The following SRRM4 variants were observed in gnomAD, a reference collection of about 807,000 sequenced individuals.
SRRM4 encodes serine/arginine repetitive matrix protein 4.
In SRRM4, 33 loss-of-function variants were observed where a neutral mutation model predicts 68.9. The observed-to-expected ratio is 0.48, with a 90% CI of 0.36 to 0.64. SRRM4 has a LOEUF of 0.64. Among genes scored for constraint, SRRM4 ranks in the 30% least tolerant of loss-of-function variants. The pLI is 0.00. For missense variants in SRRM4, 817 were observed against 827.1 expected, an observed-to-expected ratio of 0.99 and a Z score of 0.15; for synonymous variants, 318 against 318.8, an observed-to-expected ratio of 1.00 and a Z score of 0.03.
chr12:119,083,902 A>G (rs995656360), intron 1 of SRRM4, among the ~76,000 whole-genome samples: 2 of 152,172 alleles, frequency 1.3e-5, no homozygotes, highest in Non-Finnish European at 2.9e-5. Flanking sequence ...ACACAGGGAG[A>G]AGGCATTTGA....
intron 7 of SRRM4, among the ~76,000 whole-genome samples, chr12:119,126,014 CTTTTTTTTTTTTTTT>C (rs34680171): frequency 1.4e-5 from 1 of 71,134 alleles, no homozygotes; most frequent in East Asian, 5.4e-4. Context: ...ATACTAGCTG[CTTTTTTTTTTTTTTT>C]TTTTTTTTTT....
At chr12:119,075,814 AACGGTGATGATGGTG>A (rs1953908765) in intron 1 of SRRM4, among the ~76,000 whole-genome samples, 4 of 79,046 alleles carry the variant, frequency 5.1e-5, no homozygotes, top group Non-Finnish European at 5.2e-5. Context: ...TGGTGATGAT[AACGGTGATGATGGTG>A]ATGGTGATGA....
chr12:119,070,804 A>G (rs1349048173), intron 1 of SRRM4, among the ~76,000 whole-genome samples: 2 of 152,194 alleles, frequency 1.3e-5, no homozygotes, highest in African/African-American at 4.8e-5. Flanking sequence ...TGACTGGGCC[A>G]TGCTTCCCTG....
chr12:119,092,809 C>T (rs1018270783), intron 1 of SRRM4, among the ~76,000 whole-genome samples: 1 of 152,062 alleles, frequency 6.6e-6, no homozygotes, highest in Non-Finnish European at 1.5e-5. Flanking sequence ...CCTCCAATGG[C>T]ATCTCATCTC....
chr12:119,037,396 G>C (rs1340173659), intron 1 of SRRM4, among the ~76,000 whole-genome samples: 2 of 152,162 alleles, frequency 1.3e-5, no homozygotes, highest in African/African-American at 4.8e-5. Context: ...TGGGAGGCAG[G>C]GGGAGAGACA....
rs1394950897 is a variant in SRRM4 at position 119,120,259 on chromosome 12, C to G, written c.447C>G (p.Ser149=). 1 of 1,548,432 alleles carries G rather than the reference C, an allele frequency of 6.5e-7. No homozygotes were observed. Among genetic ancestry groups the G allele is most frequent in the African/African-American group, 1.4e-5 (1 of 72,588 alleles). ...SKKHKRRRSF[S]KKRRHSSSSP... is the part of the protein sequence containing the mutation. ...CTTTCTTTCTTTTCAGGTCATTCTC[C>G]AAGAAGAGAAGGCACAGGTAAGACT... The change falls in exon 5 of 13, where the codon TCC becomes TCG. Residue 149 remains serine (S), a synonymous_variant. Transcript: ENST00000267260.
At chr12:118,988,646 T>A (rs1199539244) in intron 1 of SRRM4, among the ~76,000 whole-genome samples, 1 of 152,080 alleles carries the variant, frequency 6.6e-6, no homozygotes, top group Non-Finnish European at 1.5e-5. Context: ...TAAAAAAAAA[T>A]TAGGTTGTAC....
intron 1 of SRRM4, among the ~76,000 whole-genome samples, chr12:119,050,537 G>A (rs1343394969): frequency 6.6e-6 from 1 of 152,210 alleles, no homozygotes; most frequent in Non-Finnish European, 1.5e-5. Flanking sequence ...GGTGCATATG[G>A]TGGAACTTGC....
In SRRM4 at chr12:118,981,684, C is replaced by T; in HGVS notation, c.-199C>T. 1 of 599,114 alleles carries T rather than the reference C, an allele frequency of 1.7e-6. No individual in the cohort carries two copies. Among genetic ancestry groups the T allele is most frequent in the South Asian group, 2.2e-5 (1 of 45,028 alleles). The allele number at this position is 599,114 out of a possible 1,614,324, so 37.1% of individuals were successfully genotyped here. A position where few individuals can be genotyped will look rare whatever the true frequency, so the allele number is the denominator to read the frequency against. ...CCGACCCAGAAGGGCGAAGAAAGCCCAGCGGACGAGCCTCCTTTCTCTGCT... is the reference window on the plus strand; with the variant it reads ...CCGACCCAGAAGGGCGAAGAAAGCCTAGCGGACGAGCCTCCTTTCTCTGCT... On this transcript the variant is annotated 5_prime_UTR_variant, in exon 1 of 13. Transcript: ENST00000267260.
intron 1 of SRRM4, among the ~76,000 whole-genome samples, chr12:119,004,921 C>T (rs1033197144): frequency 6.6e-6 from 1 of 150,620 alleles, no homozygotes. Context: ...CAAGGCTCCC[C>T]GCTCCACTAT....
At chr12:119,097,946 C>T (rs1290240459) in intron 1 of SRRM4, among the ~76,000 whole-genome samples, 1 of 152,224 alleles carries the variant, frequency 6.6e-6, no homozygotes, top group Admixed American at 6.5e-5. Flanking sequence ...CATGGGATTG[C>T]TTGTGGTATC....
chr12:119,092,683 G>A (rs11064657), intron 1 of SRRM4, among the ~76,000 whole-genome samples: 32,104 of 152,014 alleles, frequency 0.21, 4,102 homozygotes, highest in South Asian at 0.28. Context: ...ATGGATTATT[G>A]TAGTCATTTC....
At chr12:119,067,790 C>T (rs1384530938) in intron 1 of SRRM4, among the ~76,000 whole-genome samples, 2 of 152,198 alleles carry the variant, frequency 1.3e-5, no homozygotes, top group Non-Finnish European at 2.9e-5. Flanking sequence ...TCCACCTACA[C>T]ATTATGTGGC....
At chr12:118,986,490 A>G (rs745668160) in intron 1 of SRRM4, among the ~76,000 whole-genome samples, 8 of 152,198 alleles carry the variant, frequency 5.3e-5, no homozygotes, top group Non-Finnish European at 1.0e-4. Flanking sequence ...TGTTGGATGC[A>G]TTAATTAGAT....
chr12:119,145,523 G>C lies in SRRM4; in HGVS notation c.914G>C (p.Arg305Pro), dbSNP rs774599577. The C allele has an allele frequency of 9.3e-6, 15 of 1,608,242 alleles. No individual in the cohort carries two copies. The Admixed American group carries it at 2.0e-4, about 22-fold the overall frequency. ...ACGCAAACCAGCTCAGCCAGGTCTC[G>C]GGGCCAGGAGAAGGGGAGCCCCAGT... ...PSTQTSSARS[R>P]GQEKGSPSGG... Residue 305 changes from arginine (R) to proline (P), a missense_variant, in exon 9 of 13, where the codon CGG becomes CCG. By Grantham distance (103) the Arg-to-Pro change is moderately radical (BLOSUM62 -2). Transcript: ENST00000267260.
intron 1 of SRRM4, among the ~76,000 whole-genome samples, chr12:119,025,721 G>A (rs1170589882): frequency 6.6e-6 from 1 of 152,062 alleles, no homozygotes; most frequent in Non-Finnish European, 1.5e-5. Flanking sequence ...TGGGATCACA[G>A]GCATGAGCCA....
intron 1 of SRRM4, among the ~76,000 whole-genome samples, chr12:119,078,449 G>A (rs1378555815): frequency 6.6e-6 from 1 of 152,206 alleles, no homozygotes; most frequent in Non-Finnish European, 1.5e-5. Flanking sequence ...CCTAGTCACT[G>A]CTGCACATAT....
At chr12:119,120,873 C>T (rs1039765147) in intron 5 of SRRM4, among the ~76,000 whole-genome samples, 2 of 152,146 alleles carry the variant, frequency 1.3e-5, no homozygotes, top group African/African-American at 4.8e-5. Flanking sequence ...GGTAACGGAG[C>T]CGAAATTCAA....
In SRRM4 at chr12:119,145,264, C is replaced by A. The variant is rs1015552044; in HGVS notation, c.772-117C>A. 2.1e-5 allele frequency: 17 copies of A among 803,000 alleles called. No individual in the cohort carries two copies. The African/African-American group carries it at 3.1e-4, about 14-fold the overall frequency. 49.7% of individuals were successfully genotyped at this position (803,000 alleles called of 1,614,324 possible). A position where few individuals can be genotyped will look rare whatever the true frequency, so the allele number is the denominator to read the frequency against. On this transcript the variant is annotated intron_variant, in intron 8 of 12. Transcript: ENST00000267260. ...TTTTTGGCGTCTCTTCTTTCTTCTCCTCTCTCTCTCTTTCCTTTCGTTACA... is the reference window on the plus strand; with the variant it reads ...TTTTTGGCGTCTCTTCTTTCTTCTCATCTCTCTCTCTTTCCTTTCGTTACA...
Sources: gnomAD v4.1 joint callset for allele counts (sites outside exome capture counted in the v4.1 genomes callset) on GRCh38, gnomAD v4.1.1 for gene constraint, MANE v1.5 for transcripts, NCBI Gene and HGNC (gene_info 2026-07-23, HGNC 2026-07-21) for gene names.